The following MCF2L variants were observed in gnomAD, a reference collection of about 807,000 sequenced individuals.
MCF2L encodes MCF.2 cell line derived transforming sequence like, also known as guanine nucleotide exchange factor DBS.
A neutral mutation model predicts 153.4 loss-of-function variants in MCF2L; 97 were observed. That is an observed-to-expected ratio of 0.63 (90% CI 0.54 to 0.75). The LOEUF (loss-of-function observed/expected upper bound fraction) is 0.75, where lower values mean the gene tolerates loss of function less well. Among genes scored for constraint, MCF2L ranks in the 30% least tolerant of loss-of-function variants. The pLI is 0.00. For synonymous variants in MCF2L, 659 were observed against 632.2 expected, an observed-to-expected ratio of 1.04 and a Z score of -0.64; for missense variants, 1,347 against 1,495.2, an observed-to-expected ratio of 0.90 and a Z score of 1.64.
In MCF2L at chr13:113,026,110, G is replaced by A. The variant is rs1247318416; in HGVS notation, c.278+1352G>A. On this transcript the variant is annotated intron_variant, in intron 3 of 29. Transcript: ENST00000535094. ...TGGGTCGGGGCAGAGTCTCTGTGAG[G>A]TTTCATCATGGTGGGGTCCCCGTGA... 8.4e-5 allele frequency among the ~76,000 whole-genome samples: 8 copies of A among 95,044 alleles called. 1 individual carries two copies. The highest frequency in any genetic ancestry group is 1.7e-4 in the African/African-American group (4 of 24,130). 62.4% of individuals were successfully genotyped at this position (95,044 alleles called of 152,430 possible).
Position 113,028,305 on chromosome 13 carries a change from C to G in MCF2L, c.278+3547C>G, listed in dbSNP as rs950838907. 3.3e-5 allele frequency among the ~76,000 whole-genome samples: 5 copies of G among 152,218 alleles called. No individual in the cohort carries two copies. The highest frequency in any genetic ancestry group is 3.3e-4 in the Admixed American group (5 of 15,286). The stretch of plus-strand genomic sequence containing the variant: ...TCTGCAGCACTCAAAGGCCACCCAT[C>G]AAGGCCATAAGAGTGTGGTAGGCGG... On this transcript the variant is annotated intron_variant, in intron 3 of 29. Coordinates refer to ENST00000535094, the MANE Select transcript of MCF2L (RefSeq NM_001112732.3). This position sits in a 1 kb window ranked among gnomAD's most constrained non-coding sequence, Gnocchi z 5.4.
upstream of MCF2L, chr13:112,968,311 G>T (rs934595354): frequency 5.4e-6 from 3 of 552,446 alleles, no homozygotes; most frequent in Non-Finnish European, 6.9e-6. Context: ...ACCACAAAAG[G>T]ATAGCTGCGG....
intron 2 of MCF2L, chr13:112,909,179 C>T: frequency 2.6e-6 from 2 of 777,102 alleles, no homozygotes; most frequent in Admixed American, 3.4e-5. Context: ...GGCAAAAACA[C>T]TGCCTGTTCC....
At chr13:112,986,253 G>A (rs113659754) in intron 1 of MCF2L, among the ~76,000 whole-genome samples, 37 of 152,364 alleles carry the variant, frequency 2.4e-4, no homozygotes, top group African/African-American at 8.4e-4. Context: ...GCGCTTTCCC[G>A]GGGCCCAGAG....
At chr13:112,908,404 T>A (rs1425437816) in intron 2 of MCF2L, among the ~76,000 whole-genome samples, 1 of 152,198 alleles carries the variant, frequency 6.6e-6, no homozygotes, top group Non-Finnish European at 1.5e-5. Flanking sequence ...GCGGATTACC[T>A]GAAACCAGGA....
rs1295760441 is a variant in MCF2L, at chr13:112,989,342, T to G, written c.79+19884T>G. On this transcript the variant is annotated intron_variant, in intron 1 of 29. Coordinates refer to ENST00000535094, the MANE Select transcript of MCF2L (RefSeq NM_001112732.3). ...GGAACTACCACGCCCGAGTCCTCCC[T>G]GAGCAGGACATGGAGCTACCACGCC... Among the ~76,000 whole-genome samples the G allele has an allele frequency of 5.6e-4, 78 of 139,976 alleles. 1 individual carries two copies. The highest frequency in any genetic ancestry group is 1.0e-3 in the Non-Finnish European group (65 of 64,872). The allele number at this position is 139,976 out of a possible 152,430, so 91.8% of individuals were successfully genotyped here.
intron 1 of MCF2L, among the ~76,000 whole-genome samples, chr13:113,002,169 C>T (rs1258922681): frequency 6.6e-6 from 1 of 152,150 alleles, no homozygotes; most frequent in Non-Finnish European, 1.5e-5. Context: ...CCAGAGGAGC[C>T]CTGTTCCTTG....
intron 2 of MCF2L, among the ~76,000 whole-genome samples, chr13:112,935,091 A>G (rs1297113896): frequency 6.6e-6 from 1 of 152,204 alleles, no homozygotes; most frequent in African/African-American, 2.4e-5. Flanking sequence ...GGCACTGCCA[A>G]TGTATGTAAT....
intron 2 of MCF2L, among the ~76,000 whole-genome samples, chr13:112,913,001 G>A (rs1278543107): frequency 1.3e-5 from 2 of 151,278 alleles, no homozygotes; most frequent in South Asian, 2.1e-4. Flanking sequence ...TTGTGTGTCT[G>A]TGGTGTATCT....
At chr13:113,087,550 C>A in intron 22 of MCF2L, 94 bp downstream of exon 22, 1 of 1,151,580 alleles carries the variant, frequency 8.7e-7, no homozygotes, top group Non-Finnish European at 1.3e-6. Context: ...CGCTGACACC[C>A]AGCTCTCAGC....
At chr13:112,959,028 C>T (rs939396963) in intron 2 of MCF2L, among the ~76,000 whole-genome samples, 2 of 152,222 alleles carry the variant, frequency 1.3e-5, no homozygotes, top group South Asian at 2.1e-4. Flanking sequence ...CAGAAACTTC[C>T]GTACGCACAG....
At chr13:113,044,293 G>C in intron 3 of MCF2L, 3 of 315,252 alleles carry the variant, frequency 9.5e-6, no homozygotes, top group Non-Finnish European at 1.3e-5. Flanking sequence ...ATGAACGTTC[G>C]GGGGTCACTG....
At chr13:112,945,514 T>G (rs2081628375) in intron 2 of MCF2L, among the ~76,000 whole-genome samples, 1 of 152,268 alleles carries the variant, frequency 6.6e-6, no homozygotes, top group Non-Finnish European at 1.5e-5. Context: ...ATTCACTATC[T>G]TTGGGATCTT....
At chr13:112,923,023 C>G (rs981173869) in intron 2 of MCF2L, among the ~76,000 whole-genome samples, 2 of 152,178 alleles carry the variant, frequency 1.3e-5, no homozygotes, top group Non-Finnish European at 2.9e-5. Context: ...TTGGTGGATA[C>G]TTTTTTCTGT....
rs767344772 is a variant in MCF2L, at chr13:113,087,447, G to C, written c.2586G>C (p.Gln862His). The C allele has an allele frequency of 1.2e-6, 2 of 1,603,634 alleles. No homozygotes were observed. The highest frequency in any genetic ancestry group is 2.2e-5 in the South Asian group (2 of 90,416). ...AAGCTCCCTCCTACAGCTACAAGCA[G>C]TCCTTAAACGTAAGTGAGGCCGGGT... Reference protein sequence around the residue: ...YEKAPSYSYKQSLNMAAVGIT... With the variant: ...YEKAPSYSYKHSLNMAAVGIT... Residue 862 changes from glutamine to histidine, a missense_variant, in exon 22 of 30, where the codon CAG (glutamine) becomes CAC (histidine). Physicochemically the swap from Gln to His is conservative, Grantham distance 24. Around this residue, in one of 3 missense-constraint regions of MCF2L, gnomAD observed 144 missense variants for 238.7 expected, o/e 0.60. Transcript: ENST00000535094.
rs186195353 is a variant in MCF2L, at chr13:113,012,313, G to T, written c.80-2450G>T. On this transcript the variant is annotated intron_variant, in intron 1 of 29. Transcript: ENST00000535094. ...CAGTGGACACTGCAGTGTGGATGGT[G>T]GACAGGTGGTGTGGACGGTGGACAG... 1.7e-5 allele frequency among the ~76,000 whole-genome samples: 2 copies of T among 116,280 alleles called. 1 individual carries two copies. The highest frequency in any genetic ancestry group is 6.0e-5 in the African/African-American group (2 of 33,280). 76.3% of individuals were successfully genotyped at this position (116,280 alleles called of 152,430 possible).
At chr13:112,900,764 C>A (rs1262552569) in intron 1 of MCF2L, among the ~76,000 whole-genome samples, 1 of 152,064 alleles carries the variant, frequency 6.6e-6, no homozygotes, top group Non-Finnish European at 1.5e-5. Flanking sequence ...CAGGCTTCGT[C>A]CTTCAGGGCT....
chr13:112,979,828 G>A, intron 1 of MCF2L: 1 of 1,420,766 alleles, frequency 7.0e-7, no homozygotes, highest in East Asian at 2.4e-5. Flanking sequence ...CCTCTCTGCG[G>A]GCAGGTGCCT....
intron 1 of MCF2L, among the ~76,000 whole-genome samples, chr13:113,008,209 T>G (rs1338719644): frequency 6.6e-6 from 1 of 152,242 alleles, no homozygotes; most frequent in Non-Finnish European, 1.5e-5. Flanking sequence ...TGAGCCACTG[T>G]GCCCGGCCAA....
Sources: allele counts gnomAD v4.1 joint callset (sites outside exome capture counted in the v4.1 genomes callset), GRCh38; gene constraint gnomAD v4.1.1; regional missense constraint gnomAD v4.1.1; non-coding constraint Gnocchi (gnomAD v3.1); transcripts MANE v1.5; gene names NCBI Gene and HGNC (gene_info 2026-07-23, HGNC 2026-07-21).